KCNQ1OT1: variants seen among roughly 807,000 people sequenced by gnomAD.
The protein encoded by KCNQ1OT1 is KCNQ1 opposite strand/antisense transcript 1.
In KCNQ1OT1 at chr11:2,647,200, T is replaced by C. The variant is rs1849679234; in HGVS notation, n.52795A>G. 1 of 398,582 alleles carries C rather than the reference T, an allele frequency of 2.5e-6. No homozygotes were observed. Among genetic ancestry groups the C allele is most frequent in the South Asian group, 1.3e-4 (1 of 7,852 alleles). The allele number at this position is 398,582 out of a possible 1,614,324, so 24.7% of individuals were successfully genotyped here. A position where few individuals can be genotyped will look rare whatever the true frequency, so the allele number is the denominator to read the frequency against. ...TATCATGAAGAGATTTTGAATTTTATCAGATGCTTTTTCTGCATCTATTGA... is the reference window on the plus strand; with the variant it reads ...TATCATGAAGAGATTTTGAATTTTACCAGATGCTTTTTCTGCATCTATTGA... On this transcript the variant is annotated non_coding_transcript_exon_variant, in exon 1 of 1. Coordinates refer to ENST00000597346, the Ensembl canonical transcript of KCNQ1OT1. The surrounding 1 kb of genome is among the most constrained non-coding windows in gnomAD (Gnocchi z 4.0).
At chr11:2,641,410 T>C (rs1275010890) in exon 1 of KCNQ1OT1, 2 of 398,320 alleles carry the variant, frequency 5.0e-6, no homozygotes, top group South Asian at 2.5e-4. Flanking sequence ...TTTTTAAATA[T>C]ACCTGTTGGC....
At position 2,624,438 on chromosome 11, in the gene KCNQ1OT1, A is replaced by G. The variant is rs1226651243; in HGVS notation, n.75557T>C. The G allele has an allele frequency of 1.3e-5, 5 of 398,358 alleles. No homozygotes were observed. The highest frequency in any genetic ancestry group is 4.4e-6 in the Non-Finnish European group (1 of 226,006). 24.7% of individuals were successfully genotyped at this position (398,358 alleles called of 1,614,324 possible). A position where few individuals can be genotyped will look rare whatever the true frequency, so the allele number is the denominator to read the frequency against. On this transcript the variant is annotated non_coding_transcript_exon_variant, in exon 1 of 1. Transcript: ENST00000597346. This position sits in a 1 kb window ranked among gnomAD's most constrained non-coding sequence, Gnocchi z 4.9. ...ATTTTTAACAAAGTCTAGCTTATCA[A>G]TTATTTCTTTCATGAATCATGCCTT...
In KCNQ1OT1 at chr11:2,611,103, T is replaced by G; in HGVS notation, n.88892A>C. 2.5e-6 allele frequency: 1 copy of G among 398,564 alleles called. No individual in the cohort carries two copies. 24.7% of individuals were successfully genotyped at this position (398,564 alleles called of 1,614,324 possible). ...TTATAAATTTTTATTTCTTTATGAC[T>G]TCTGTTTATGATTTCTATTTCTTCC... On this transcript the variant is annotated non_coding_transcript_exon_variant, in exon 1 of 1. Transcript: ENST00000597346. This position sits in a 1 kb window ranked among gnomAD's most constrained non-coding sequence, Gnocchi z 5.3.
Position 2,608,502 on chromosome 11 carries a change from G to T in KCNQ1OT1, n.91493C>A, listed in dbSNP as rs4287323. 5.0e-6 allele frequency: 2 copies of T among 398,342 alleles called. No individual in the cohort carries two copies. The highest frequency in any genetic ancestry group is 8.8e-6 in the Non-Finnish European group (2 of 226,052). 24.7% of individuals were successfully genotyped at this position (398,342 alleles called of 1,614,324 possible). A position where few individuals can be genotyped will look rare whatever the true frequency, so the allele number is the denominator to read the frequency against. ...TTTCCTTTTCTTTTTGAGAAACAGA[G>T]TCTCTCTCTGTTGCCCAGGCTGGAA... On this transcript the variant is annotated non_coding_transcript_exon_variant, in exon 1 of 1. Transcript: ENST00000597346. This position sits in a 1 kb window ranked among gnomAD's most constrained non-coding sequence, Gnocchi z 4.6.
exon 1 of KCNQ1OT1, chr11:2,629,670 A>C (rs954073642): frequency 2.5e-6 from 1 of 398,348 alleles, no homozygotes; most frequent in Admixed American, 4.4e-5. Flanking sequence ...GGAGCTCTCT[A>C]TTCTTTTTGA....
In KCNQ1OT1 at chr11:2,691,568, C is replaced by T. The variant is rs1850588252; in HGVS notation, n.8427G>A. On this transcript the variant is annotated non_coding_transcript_exon_variant, in exon 1 of 1. Coordinates refer to ENST00000597346, the Ensembl canonical transcript of KCNQ1OT1. The surrounding 1 kb of genome is among the most constrained non-coding windows in gnomAD (Gnocchi z 6.4). ...TCTATCCTGAGGTTATGAAATACCT[C>T]AGCAAGGACGAGGCCTCCCTGAGGG... 2.5e-6 allele frequency: 1 copy of T among 398,458 alleles called. No homozygotes were observed. Among genetic ancestry groups the T allele is most frequent in the African/African-American group, 2.1e-5 (1 of 48,606 alleles). The allele number at this position is 398,458 out of a possible 1,614,324, so 24.7% of individuals were successfully genotyped here.
exon 1 of KCNQ1OT1, chr11:2,675,445 G>GGAAAATGGAAAA: frequency 2.5e-6 from 1 of 398,572 alleles, no homozygotes; most frequent in Non-Finnish European, 4.4e-6. Flanking sequence ...AATAAAAGAT[G>GGAAAATGGAAAA]ATCTGAAAAT....
chr11:2,660,517 CTG>C (rs1310831665), exon 1 of KCNQ1OT1: 4 of 398,390 alleles, frequency 1.0e-5, no homozygotes, highest in Admixed American at 4.4e-5. Context: ...GAGTTAATGT[CTG>C]TAATGTATAG....
At position 2,668,723 on chromosome 11, in the gene KCNQ1OT1, G is replaced by A. The variant is rs1850128346; in HGVS notation, n.31272C>T. On this transcript the variant is annotated non_coding_transcript_exon_variant, in exon 1 of 1. Transcript: ENST00000597346. The surrounding 1 kb of genome is among the most constrained non-coding windows in gnomAD (Gnocchi z 4.3). ...ACACTCTCTCACAGACACACACATTGCAAATATCGCCTCCCCCTCTGCAGG... is the reference window on the plus strand; with the variant it reads ...ACACTCTCTCACAGACACACACATTACAAATATCGCCTCCCCCTCTGCAGG... 1 of 398,436 alleles carries A rather than the reference G, an allele frequency of 2.5e-6. No homozygotes were observed. The highest frequency in any genetic ancestry group is 1.3e-4 in the South Asian group (1 of 7,858). 24.7% of individuals were successfully genotyped at this position (398,436 alleles called of 1,614,324 possible).
chr11:2,647,074 G>C lies in KCNQ1OT1; in HGVS notation n.52921C>G, dbSNP rs374083135. On this transcript the variant is annotated non_coding_transcript_exon_variant, in exon 1 of 1. Transcript: ENST00000597346. The surrounding 1 kb of genome is among the most constrained non-coding windows in gnomAD (Gnocchi z 4.0). The stretch of plus-strand genomic sequence containing the variant: ...TCCTTGTCTTGTTCTAGTTCTAAGA[G>C]AGAAGGTGTTTAGCTTTTCCCCAGG... The C allele has an allele frequency of 1.0e-5, 4 of 398,562 alleles. No homozygotes were observed. Among genetic ancestry groups the C allele is most frequent in the African/African-American group, 2.1e-5 (1 of 48,730 alleles). 24.7% of individuals were successfully genotyped at this position (398,562 alleles called of 1,614,324 possible).
At position 2,663,155 on chromosome 11, in the gene KCNQ1OT1, C is replaced by T. The variant is rs1850000837; in HGVS notation, n.36840G>A. On this transcript the variant is annotated non_coding_transcript_exon_variant, in exon 1 of 1. Transcript: ENST00000597346. This position sits in a 1 kb window ranked among gnomAD's most constrained non-coding sequence, Gnocchi z 5.2. ...AGACAGGACCTGCCCACTGTCTTTC[C>T]AGGCCCCCCCAGTTCACAGAGAGGT... is the stretch of plus-strand genomic sequence containing the variant. 2 of 398,708 alleles carry T rather than the reference C, an allele frequency of 5.0e-6. No individual in the cohort carries two copies. The highest frequency in any genetic ancestry group is 8.8e-6 in the Non-Finnish European group (2 of 226,150). 24.7% of individuals were successfully genotyped at this position (398,708 alleles called of 1,614,324 possible).
At chr11:2,609,416 T>C (rs1848939312) in exon 1 of KCNQ1OT1, 3 of 398,350 alleles carry the variant, frequency 7.5e-6, no homozygotes, top group Non-Finnish European at 1.3e-5. Flanking sequence ...TTTAAATTTA[T>C]GCAGGTTTGT....
chr11:2,672,715 C>A, exon 1 of KCNQ1OT1: 1 of 398,904 alleles, frequency 2.5e-6, no homozygotes, highest in South Asian at 1.3e-4. Context: ...GGCCAGATGT[C>A]AGGTTCCAGA....
rs996906715 is a variant in KCNQ1OT1, at chr11:2,698,190, C to T, written n.1805G>A. 18 of 398,440 alleles carry T rather than the reference C, an allele frequency of 4.5e-5. No individual in the cohort carries two copies. In the East Asian group the frequency reaches 6.1e-4, roughly 13 times the overall value. 24.7% of individuals were successfully genotyped at this position (398,440 alleles called of 1,614,324 possible). A position where few individuals can be genotyped will look rare whatever the true frequency, so the allele number is the denominator to read the frequency against. On this transcript the variant is annotated non_coding_transcript_exon_variant, in exon 1 of 1. Transcript: ENST00000597346. This position sits in a 1 kb window ranked among gnomAD's most constrained non-coding sequence, Gnocchi z 5.1. Reference sequence around the variant, plus strand: ...GCTTTTGGTCTAGCAAAAGGGGCACCACAGTAAAGAAAGAACTGGTAAATG... The same window carrying T: ...GCTTTTGGTCTAGCAAAAGGGGCACTACAGTAAAGAAAGAACTGGTAAATG...
exon 1 of KCNQ1OT1, chr11:2,643,723 T>G: frequency 2.5e-6 from 1 of 398,560 alleles, no homozygotes. Context: ...TTTCATGAAG[T>G]TGTCCTTTCA....
chr11:2,650,277 T>C (rs1040069477), exon 1 of KCNQ1OT1: 25 of 398,636 alleles, frequency 6.3e-5, no homozygotes, highest in African/African-American at 4.3e-4. Context: ...GAGTCTATTA[T>C]TGGAGAATTA....
chr11:2,650,810 G>A, exon 1 of KCNQ1OT1: 1 of 398,570 alleles, frequency 2.5e-6, no homozygotes, highest in Non-Finnish European at 4.4e-6. Flanking sequence ...TGGGTCATGT[G>A]GTTTTATTTG....
chr11:2,694,142 T>C (rs1392910010), exon 1 of KCNQ1OT1: 1 of 398,530 alleles, frequency 2.5e-6, no homozygotes, highest in African/African-American at 2.1e-5. Context: ...CAAATTATAC[T>C]GCTGACCAGG....
chr11:2,668,592 T>G lies in KCNQ1OT1; in HGVS notation n.31403A>C. ...GTTATCATTTAGTCAGATACATCAT[T>G]CTGTATAAATTGCCTACATCTTCTG... On this transcript the variant is annotated non_coding_transcript_exon_variant, in exon 1 of 1. Transcript: ENST00000597346. The surrounding 1 kb of genome is among the most constrained non-coding windows in gnomAD (Gnocchi z 4.3). 5.0e-6 allele frequency: 2 copies of G among 398,654 alleles called. No homozygotes were observed. Among genetic ancestry groups the G allele is most frequent in the Non-Finnish European group, 8.8e-6 (2 of 226,070 alleles). 24.7% of individuals were successfully genotyped at this position (398,654 alleles called of 1,614,324 possible).
Sources: gnomAD v4.1 joint callset for allele counts on GRCh38, gnomAD v4.1.1 for gene constraint, Gnocchi (gnomAD v3.1) non-coding constraint, MANE v1.5 for transcripts, NCBI Gene and HGNC (gene_info 2026-07-23, HGNC 2026-07-21) for gene names.